SMIM14: variants seen among roughly 807,000 people sequenced by gnomAD.
The protein encoded by SMIM14 is chromosome 4 open reading frame 34.
Under a neutral mutation model 12.6 loss-of-function variants are expected in SMIM14, and 5 were observed. That is an observed-to-expected ratio of 0.40 (90% CI 0.21 to 0.83). The LOEUF (loss-of-function observed/expected upper bound fraction) is 0.83. Among genes scored for constraint, SMIM14 ranks in the 40% least tolerant of loss-of-function variants. The pLI is 0.37. For missense variants in SMIM14, 86 were observed against 119.1 expected (o/e 0.72, Z 1.29); for synonymous variants, 30 against 40.1 (o/e 0.75, Z 0.95).
intron 2 of SMIM14, among the ~76,000 whole-genome samples, chr4:39,584,501 A>AAAAAAAAAAAAAAAAAAAAAAAAAAAC (rs1713681827): frequency 2.2e-5 from 3 of 136,054 alleles, no homozygotes; most frequent in Non-Finnish European, 3.2e-5. Flanking sequence ...AAAAAAAAAA[A>AAAAAAAAAAAAAAAAAAAAAAAAAAAC]AAAAGACAAA....
intron 3 of SMIM14, among the ~76,000 whole-genome samples, chr4:39,570,710 G>A (rs1712838199): frequency 6.6e-6 from 1 of 151,914 alleles, no homozygotes; most frequent in South Asian, 2.1e-4. Flanking sequence ...AGGCTGGAGT[G>A]CAGTGGCATG....
At chr4:39,627,060 G>A (rs1715730365) in intron 1 of SMIM14, among the ~76,000 whole-genome samples, 1 of 152,136 alleles carries the variant, frequency 6.6e-6, no homozygotes, top group African/African-American at 2.4e-5. Flanking sequence ...AGTGTCTGCT[G>A]AGGACCCACT....
intron 1 of SMIM14, among the ~76,000 whole-genome samples, chr4:39,633,885 G>T (rs1715997005): frequency 1.3e-5 from 2 of 152,228 alleles, no homozygotes; most frequent in African/African-American, 4.8e-5. Context: ...TAGGCTCTCA[G>T]CACTCAATAC....
chr4:39,611,411 CAGG>C lies in SMIM14; in HGVS notation c.-35-6234_-35-6232del, dbSNP rs1715026172. Among the ~76,000 whole-genome samples the C allele has an allele frequency of 2.6e-5, 4 of 151,416 alleles. No homozygotes were observed. The South Asian group carries it at 8.3e-4, about 31-fold the overall frequency. On this transcript the variant is annotated intron_variant, in intron 1 of 4. Coordinates refer to ENST00000295958, the MANE Select transcript of SMIM14 (RefSeq NM_174921.3). ...ATCCCAGCTACTCAGGAGGCTGAGG[CAGG>C]AGAATTGCTTGAACTCGGGGGGTGG...
chr4:39,610,978 A>G (rs1715010500), intron 1 of SMIM14, among the ~76,000 whole-genome samples: 1 of 152,206 alleles, frequency 6.6e-6, no homozygotes, highest in African/African-American at 2.4e-5. Context: ...AAAAGTTTCT[A>G]TAAAACCAAA....
intron 3 of SMIM14, among the ~76,000 whole-genome samples, chr4:39,564,425 C>A (rs1177512693): frequency 6.6e-6 from 1 of 152,152 alleles, no homozygotes; most frequent in African/African-American, 2.4e-5. Context: ...TGAGAGCTGA[C>A]ATCATGCTCA....
chr4:39,637,063 T>A (rs1472462005), intron 1 of SMIM14, among the ~76,000 whole-genome samples: 1 of 152,146 alleles, frequency 6.6e-6, no homozygotes, highest in Non-Finnish European at 1.5e-5. Flanking sequence ...AAAAAAGAAG[T>A]ACTAGAATGT....
At chr4:39,589,259 G>A (rs1037539771) in intron 2 of SMIM14, among the ~76,000 whole-genome samples, 2 of 152,008 alleles carry the variant, frequency 1.3e-5, no homozygotes, top group Non-Finnish European at 2.9e-5. Flanking sequence ...GCTAATTTTT[G>A]TATTTTTAGT....
At chr4:39,590,387 T>C (rs1714004998) in intron 2 of SMIM14, among the ~76,000 whole-genome samples, 1 of 151,416 alleles carries the variant, frequency 6.6e-6, no homozygotes, top group South Asian at 2.1e-4. Flanking sequence ...CACTCCAGCC[T>C]GAGCAACAAG....
rs746724868 is a variant in SMIM14 at position 39,628,680 on chromosome 4, T to TCAAAAAAA, written c.-36+10058_-36+10059insTTTTTTTG. On this transcript the variant is annotated intron_variant, in intron 1 of 4. Transcript: ENST00000295958. ...CTGGGTGACAAGGCGAGACTCCGTC[T>TCAAAAAAA]CAAACAAACAAACAAACAAAAACTC... Among the ~76,000 whole-genome samples the TCAAAAAAA allele has an allele frequency of 7.3e-3, 636 of 87,098 alleles. 3 individuals carry two copies. The highest frequency in any genetic ancestry group is 0.02 in the African/African-American group (590 of 30,182). 57.1% of individuals were successfully genotyped at this position (87,098 alleles called of 152,430 possible).
chr4:39,561,516 T>C (rs1712305924), intron 3 of SMIM14, among the ~76,000 whole-genome samples: 1 of 152,184 alleles, frequency 6.6e-6, no homozygotes. Context: ...TGCCCAGCCA[T>C]GACTTTTTAA....
In SMIM14 at chr4:39,627,381, C is replaced by G. The variant is rs2109253447; in HGVS notation, c.-36+11358G>C. On this transcript the variant is annotated intron_variant, in intron 1 of 4. Transcript: ENST00000295958. Reference sequence around the variant, plus strand: ...TATTCTAGGATCACTTTAGACAACACTTGCCAAAACATCATGGGACAGCAG... The same window carrying G: ...TATTCTAGGATCACTTTAGACAACAGTTGCCAAAACATCATGGGACAGCAG... 2.0e-5 allele frequency among the ~76,000 whole-genome samples: 3 copies of G among 152,284 alleles called. No homozygotes were observed. The South Asian group carries it at 6.2e-4, about 32-fold the overall frequency.
chr4:39,584,793 C>CAAAAAAAAAAAAAAAAAA (rs34970724), intron 2 of SMIM14, among the ~76,000 whole-genome samples: 5 of 76,284 alleles, frequency 6.6e-5, no homozygotes, highest in African/African-American at 2.6e-4. Flanking sequence ...AGGACCTTGT[C>CAAAAAAAAAAAAAAAAAA]AAAAAAAAAA....
intron 3 of SMIM14, among the ~76,000 whole-genome samples, chr4:39,561,659 C>A (rs1433466101): frequency 6.6e-6 from 1 of 152,108 alleles, no homozygotes. Context: ...GTGGCTCACA[C>A]CTGTAGTCCC....
At chr4:39,588,123 A>T (rs1423697534) in intron 2 of SMIM14, 2 of 152,332 alleles carry the variant, frequency 1.3e-5, no homozygotes, top group African/African-American at 2.4e-5. Context: ...CTAAGAACAC[A>T]AACAATGATC....
At position 39,556,534 on chromosome 4, in the gene SMIM14, G is replaced by T. The variant is rs751933209; in HGVS notation, c.161C>A (p.Thr54Lys). The stretch of plus-strand genomic sequence containing the variant: ...AACCATCCAGGCTACCAAGATCATT[G>T]TAACACTGATGCCATTATCACCAGA... The part of the protein sequence containing the change: ...GPSGDNGISV[T>K]MILVAWMVIA... Residue 54 changes from threonine (T) to lysine (K), a missense_variant, in exon 4 of 5, where the codon ACA becomes AAA. Physicochemically the swap from Thr to Lys is moderately conservative, Grantham distance 78. Coordinates refer to ENST00000295958, the MANE Select transcript of SMIM14 (RefSeq NM_174921.3). The T allele has an allele frequency of 1.9e-6, 3 of 1,612,874 alleles. No homozygotes were observed. Among genetic ancestry groups the T allele is most frequent in the South Asian group, 1.1e-5 (1 of 90,682 alleles).
chr4:39,580,524 T>A (rs939986882), intron 2 of SMIM14, among the ~76,000 whole-genome samples: 1 of 149,354 alleles, frequency 6.7e-6, no homozygotes, highest in Non-Finnish European at 1.5e-5. Flanking sequence ...TCTGTTTCTT[T>A]CTTTCTTTTT....
chr4:39,611,419 T>C (rs919176923), intron 1 of SMIM14, among the ~76,000 whole-genome samples: 1 of 151,962 alleles, frequency 6.6e-6, no homozygotes, highest in African/African-American at 2.4e-5. Context: ...GGCAGGAGAA[T>C]TGCTTGAACT....
intron 2 of SMIM14, among the ~76,000 whole-genome samples, chr4:39,599,933 C>CAAAAAAAA (rs56285045): frequency 3.0e-4 from 35 of 114,990 alleles, no homozygotes; most frequent in African/African-American, 3.8e-4. Context: ...AAAACAACAA[C>CAAAAAAAA]AAAAAAAAAA....
Sources: gnomAD v4.1 joint callset for allele counts (sites outside exome capture counted in the v4.1 genomes callset) on GRCh38, gnomAD v4.1.1 for gene constraint, MANE v1.5 for transcripts, NCBI Gene and HGNC (gene_info 2026-07-23, HGNC 2026-07-21) for gene names.